ZNF385B: variants seen among roughly 807,000 people sequenced by gnomAD.
ZNF385B encodes the protein zinc finger protein 533.
A neutral mutation model predicts 39.2 loss-of-function variants in ZNF385B; 23 were observed. That is an observed-to-expected ratio of 0.59 (90% CI 0.42 to 0.83). The LOEUF (loss-of-function observed/expected upper bound fraction) is 0.83. ZNF385B is among the 40% of genes least tolerant of loss of function. ZNF385B has a pLI of 0.00. For synonymous variants in ZNF385B, 205 were observed against 222.6 expected (o/e 0.92, Z 0.70); for missense variants, 552 against 598.9 (o/e 0.92, Z 0.82).
At chr2:179,781,554 A>T (rs549578108) in intron 1 of ZNF385B, among the ~76,000 whole-genome samples, 1 of 152,332 alleles carries the variant, frequency 6.6e-6, no homozygotes, top group Admixed American at 6.5e-5. Context: ...TTTAAAGGAA[A>T]AGAGAACATC....
chr2:179,787,953 A>T (rs1380211497), intron 1 of ZNF385B, among the ~76,000 whole-genome samples: 1 of 152,162 alleles, frequency 6.6e-6, no homozygotes, highest in Non-Finnish European at 1.5e-5. Flanking sequence ...CACTGAAACA[A>T]ATTTTAGGTA....
chr2:179,463,706 T>G (rs1220585614), intron 6 of ZNF385B, among the ~76,000 whole-genome samples: 1 of 152,246 alleles, frequency 6.6e-6, no homozygotes, highest in Non-Finnish European at 1.5e-5. Context: ...GGCTGCATAG[T>G]ATTCCATGGT....
chr2:179,472,391 GAAC>G (rs1216946578), intron 6 of ZNF385B, among the ~76,000 whole-genome samples: 1 of 152,124 alleles, frequency 6.6e-6, no homozygotes, highest in African/African-American at 2.4e-5. Context: ...AGGGAACTAA[GAAC>G]AATGATATTG....
intron 6 of ZNF385B, among the ~76,000 whole-genome samples, chr2:179,469,283 C>T (rs1010155940): frequency 6.6e-6 from 1 of 152,190 alleles, no homozygotes; most frequent in Non-Finnish European, 1.5e-5. Flanking sequence ...CTAACGATAG[C>T]TGATAAACTA....
At chr2:179,856,998 G>A (rs1413070283) in intron 1 of ZNF385B, among the ~76,000 whole-genome samples, 1 of 152,096 alleles carries the variant, frequency 6.6e-6, no homozygotes, top group African/African-American at 2.4e-5. Context: ...GTGGTTCAAG[G>A]ATCACCTATT....
At chr2:179,792,725 C>G (rs1233559191) in intron 1 of ZNF385B, among the ~76,000 whole-genome samples, 1 of 152,060 alleles carries the variant, frequency 6.6e-6, no homozygotes, top group East Asian at 1.9e-4. Flanking sequence ...GTGAAAATAA[C>G]TTGACAAAAA....
intron 1 of ZNF385B, among the ~76,000 whole-genome samples, chr2:179,810,015 A>G (rs1180707051): frequency 6.6e-6 from 1 of 152,088 alleles, no homozygotes; most frequent in Non-Finnish European, 1.5e-5. Context: ...TTATCTTCAA[A>G]CAGAAAGATT....
intron 5 of ZNF385B, among the ~76,000 whole-genome samples, chr2:179,504,607 T>A (rs1471779316): frequency 6.6e-6 from 1 of 151,916 alleles, no homozygotes; most frequent in Non-Finnish European, 1.5e-5. Flanking sequence ...TGGTTTTGAT[T>A]TGCATTTCTC....
chr2:179,505,672 A>G (rs143945690), intron 5 of ZNF385B, among the ~76,000 whole-genome samples: 1 of 152,284 alleles, frequency 6.6e-6, no homozygotes, highest in East Asian at 1.9e-4. Flanking sequence ...ATAAGTTAGC[A>G]CTACGTACCT....
At chr2:179,811,456 C>G (rs1402712381) in intron 1 of ZNF385B, among the ~76,000 whole-genome samples, 1 of 152,012 alleles carries the variant, frequency 6.6e-6, no homozygotes, top group Admixed American at 6.6e-5. Context: ...AACAGATTCA[C>G]AGATCAATGT....
intron 5 of ZNF385B, among the ~76,000 whole-genome samples, chr2:179,499,501 A>G (rs1049913053): frequency 7.2e-5 from 11 of 152,098 alleles, no homozygotes; most frequent in Non-Finnish European, 1.5e-4. Flanking sequence ...ATGCAAATCA[A>G]TCAGTGTGAT....
chr2:179,827,596 A>C (rs1015774840), intron 1 of ZNF385B, among the ~76,000 whole-genome samples: 8 of 152,212 alleles, frequency 5.3e-5, no homozygotes, highest in African/African-American at 1.4e-4. Flanking sequence ...TAATCTTTAA[A>C]AAATAAACCT....
At chr2:179,633,962 A>C (rs893037171) in intron 3 of ZNF385B, among the ~76,000 whole-genome samples, 1 of 152,238 alleles carries the variant, frequency 6.6e-6, no homozygotes, top group African/African-American at 2.4e-5. Context: ...TGGGAAAAGG[A>C]TTCCCTATTT....
chr2:179,752,563 T>C (rs1401278194), intron 3 of ZNF385B, among the ~76,000 whole-genome samples: 2 of 152,302 alleles, frequency 1.3e-5, no homozygotes, highest in South Asian at 2.1e-4. Context: ...AGTGTAAAAG[T>C]GTTCCTGTTT....
At chr2:179,804,615 A>G (rs1706235535) in intron 1 of ZNF385B, among the ~76,000 whole-genome samples, 1 of 152,208 alleles carries the variant, frequency 6.6e-6, no homozygotes, top group South Asian at 2.1e-4. Context: ...CCTTGTCAAG[A>G]AAATTGAGAT....
chr2:179,498,762 A>G (rs987472998), intron 5 of ZNF385B, among the ~76,000 whole-genome samples: 1 of 151,960 alleles, frequency 6.6e-6, no homozygotes, highest in Non-Finnish European at 1.5e-5. Context: ...CTAATGATGC[A>G]TCTTAAAGAA....
intron 5 of ZNF385B, among the ~76,000 whole-genome samples, chr2:179,502,293 T>C (rs2056835868): frequency 6.6e-6 from 1 of 152,194 alleles, no homozygotes; most frequent in African/African-American, 2.4e-5. Context: ...TGGGAAGGCA[T>C]GATTGTGCTT....
intron 3 of ZNF385B, among the ~76,000 whole-genome samples, chr2:179,568,469 C>T (rs2105987549): frequency 6.6e-6 from 1 of 152,280 alleles, no homozygotes; most frequent in South Asian, 2.1e-4. Flanking sequence ...GAATGAATGA[C>T]CATACTTTTC....
intron 1 of ZNF385B, among the ~76,000 whole-genome samples, chr2:179,857,523 A>G (rs1684697848): frequency 6.6e-6 from 1 of 152,148 alleles, no homozygotes; most frequent in South Asian, 2.1e-4. Flanking sequence ...GGCCCTTCCT[A>G]GCAGAGGGAA....
Sources: gnomAD v4.1 joint callset for allele counts (sites outside exome capture counted in the v4.1 genomes callset) on GRCh38, gnomAD v4.1.1 for gene constraint, MANE v1.5 for transcripts, NCBI Gene and HGNC (gene_info 2026-07-23, HGNC 2026-07-21) for gene names.